Variants in SLC25A35 observed in about 807,000 individuals in gnomAD.
The protein encoded by SLC25A35 is solute carrier family 25, member 35.
Under a neutral mutation model 30.5 loss-of-function variants are expected in SLC25A35, and 32 were observed. The observed-to-expected ratio is 1.05, with a 90% CI of 0.79 to 1.41. The LOEUF is 1.41. Ranked by LOEUF, SLC25A35 falls within the 40% of genes most tolerant of loss-of-function variation. The pLI is 0.00. For synonymous variants in SLC25A35, 142 were observed against 158.1 expected, an observed-to-expected ratio of 0.90 and a Z score of 0.77; for missense variants, 369 against 388.0, an observed-to-expected ratio of 0.95 and a Z score of 0.41.
chr17:8,294,356 T>A, intron 1 of SLC25A35, 77 bp downstream of exon 1: 1 of 1,461,414 alleles, frequency 6.8e-7, no homozygotes, highest in Non-Finnish European at 9.1e-7. Flanking sequence ...CTGCCACCTA[T>A]GCCCTTGGGA....
intron 4 of SLC25A35, 23 bp downstream of exon 4, chr17:8,290,819 T>C: frequency 6.2e-7 from 1 of 1,609,636 alleles, no homozygotes. Context: ...GCTTCCCGCC[T>C]GCATCCCAGA....
At chr17:8,292,715 G>A (rs1990596775) in intron 1 of SLC25A35, 127 bp from the exon 2 acceptor site, 11 of 797,950 alleles carry the variant, frequency 1.4e-5, no homozygotes, top group Non-Finnish European at 2.4e-5. Flanking sequence ...TCTGATTATT[G>A]TTCTTCCTAC....
chr17:8,291,958 C>T (rs1245298051), intron 2 of SLC25A35, among the ~76,000 whole-genome samples: 2 of 151,860 alleles, frequency 1.3e-5, no homozygotes, highest in African/African-American at 2.4e-5. Context: ...CCGAGGCGGG[C>T]GGATCACAAG....
chr17:8,289,038 C>T (rs569872275), downstream of SLC25A35: 32 of 1,614,000 alleles, frequency 2.0e-5, no homozygotes, highest in South Asian at 2.4e-4. Context: ...ACTTCTCGAG[C>T]TGCAGGCCCA....
chr17:8,294,461 C>A lies in SLC25A35; in HGVS notation c.347G>T (p.Gly116Val), dbSNP rs778766272. ...GTAGATGGGGCTCCCCAAGTAGGCT[C>A]CCATGACCCCAGCCATGGCCCCAGC... is the stretch of plus-strand genomic sequence containing the variant. ...AAAGAMAGVMGAYLGSPIYMV... is the reference protein window; with the variant it reads ...AAAGAMAGVMVAYLGSPIYMV... The change falls in exon 1 of 5, where the codon GGA (glycine) becomes GTA (valine). Residue 116 changes from glycine to valine, a missense_variant. By Grantham distance (109) the Gly-to-Val change is moderately radical. Transcript: ENST00000577745. 1.2e-6 allele frequency: 2 copies of A among 1,600,554 alleles called. No homozygotes were observed. Among genetic ancestry groups the A allele is most frequent in the Admixed American group, 3.5e-5 (2 of 57,936 alleles).
chr17:8,288,585 A>C (rs1425990328), downstream of SLC25A35: 2 of 645,030 alleles, frequency 3.1e-6, no homozygotes, highest in Non-Finnish European at 5.4e-6. Flanking sequence ...CGGCTTCCGG[A>C]GCAAAGCCGC....
downstream of SLC25A35, chr17:8,289,894 C>T: frequency 7.4e-6 from 12 of 1,614,138 alleles, no homozygotes; most frequent in South Asian, 1.1e-5. Flanking sequence ...AGCTGGTGAC[C>T]AGTCTGACCC....
chr17:8,294,081 A>G, intron 1 of SLC25A35, among the ~76,000 whole-genome samples: 1 of 149,268 alleles, frequency 6.7e-6, no homozygotes, highest in Non-Finnish European at 1.5e-5. Context: ...GCACCCGGCT[A>G]ATTTTTTGTA....
chr17:8,294,731 C>G lies in SLC25A35; in HGVS notation c.77G>C (p.Arg26Thr). ...CTGCAGTTCTCCTTGCAACTGCATC[C>G]TGGTCTTCACCACCTCCAGGGGATT... is the stretch of plus-strand genomic sequence containing the variant. ...FTNPLEVVKT[R>T]MQLQGELQAP... Residue 26 changes from arginine to threonine, a missense_variant, in exon 1 of 5, where the codon AGG becomes ACG. By Grantham distance (71) the Arg-to-Thr change is moderately conservative. Coordinates refer to ENST00000577745, the MANE Select transcript of SLC25A35 (RefSeq NM_001320870.2). 6.2e-7 allele frequency: 1 copy of G among 1,614,086 alleles called. No individual in the cohort carries two copies. Among genetic ancestry groups the G allele is most frequent in the Non-Finnish European group, 8.5e-7 (1 of 1,179,968 alleles).
At position 8,294,841 on chromosome 17, in the gene SLC25A35, G is replaced by A; in HGVS notation, c.-34C>T. ...AGCTGTAGCAGGAACTGACCCAAGA[G>A]TAAGAAAGTAAAAATGGGTGTCAGA... is the stretch of plus-strand genomic sequence containing the variant. On this transcript the variant is annotated 5_prime_UTR_variant, in exon 1 of 5. Coordinates refer to ENST00000577745, the MANE Select transcript of SLC25A35 (RefSeq NM_001320870.2). 6.5e-7 allele frequency: 1 copy of A among 1,527,536 alleles called. No individual in the cohort carries two copies. Among genetic ancestry groups the A allele is most frequent in the Non-Finnish European group, 8.8e-7 (1 of 1,138,146 alleles). The allele number at this position is 1,527,536 out of a possible 1,614,324, so 94.6% of individuals were successfully genotyped here.
In SLC25A35 at chr17:8,295,060, G is replaced by A; in HGVS notation, c.-253C>T. ...AGATTCTGGTGAGAAGCTTAAGGCA[G>A]GACCCTCTGAGGTCAAGGAGGGGCA... On this transcript the variant is annotated 5_prime_UTR_variant, in exon 1 of 5. Coordinates refer to ENST00000577745, the MANE Select transcript of SLC25A35 (RefSeq NM_001320870.2). The A allele has an allele frequency of 7.8e-7, 1 of 1,283,956 alleles. No individual in the cohort carries two copies. Among genetic ancestry groups the A allele is most frequent in the Non-Finnish European group, 9.9e-7 (1 of 1,013,014 alleles). 79.5% of individuals were successfully genotyped at this position (1,283,956 alleles called of 1,614,324 possible).
At chr17:8,289,305 A>G (rs201506936), downstream of SLC25A35, 46 of 1,613,970 alleles carry the variant, frequency 2.9e-5, no homozygotes, top group Non-Finnish European at 3.5e-5. Flanking sequence ...AGGGCTGTCC[A>G]TGTGGAGTCT....
chr17:8,289,381 T>C (rs745490925), downstream of SLC25A35: 1 of 1,614,080 alleles, frequency 6.2e-7, no homozygotes, highest in Non-Finnish European at 8.5e-7. Context: ...GGGTCCTCTC[T>C]GGCAAGCAGC....
Position 8,290,284 on chromosome 17 carries a change from A to G in SLC25A35, c.*221T>C. ...CGTTCAGCCCTGAGAGAGGGGTGTGAGTTACCCAGGGAATGGGTAGGGAAG... is the reference window on the plus strand; with the variant it reads ...CGTTCAGCCCTGAGAGAGGGGTGTGGGTTACCCAGGGAATGGGTAGGGAAG... On this transcript the variant is annotated 3_prime_UTR_variant, in exon 5 of 5. Transcript: ENST00000577745. 7.0e-7 allele frequency: 1 copy of G among 1,427,330 alleles called. No homozygotes were observed. Among genetic ancestry groups the G allele is most frequent in the South Asian group, 1.5e-5 (1 of 65,136 alleles). The allele number at this position is 1,427,330 out of a possible 1,614,324, so 88.4% of individuals were successfully genotyped here. A position where few individuals can be genotyped will look rare whatever the true frequency, so the allele number is the denominator to read the frequency against.
downstream of SLC25A35, chr17:8,289,421 G>A (rs2151609934): frequency 1.2e-6 from 2 of 1,614,032 alleles, no homozygotes; most frequent in Non-Finnish European, 1.7e-6. Flanking sequence ...GCAGGTGAGG[G>A]CCCGAGAGTG....
At chr17:8,289,690 AAGCAGGAGTGGGCC>A, downstream of SLC25A35, 1 of 1,609,576 alleles carries the variant, frequency 6.2e-7, no homozygotes, top group Non-Finnish European at 8.5e-7. Context: ...TCCTCCAAGG[AAGCAGGAGTGGGCC>A]AGAGGTTTGG....
intron 1 of SLC25A35, among the ~76,000 whole-genome samples, chr17:8,293,971 A>C (rs560987647): frequency 4.2e-5 from 6 of 141,402 alleles, no homozygotes; most frequent in Non-Finnish European, 9.1e-5. Flanking sequence ...GCTGGAGTGC[A>C]GTGACCGGAT....
intron 1 of SLC25A35, among the ~76,000 whole-genome samples, chr17:8,293,620 C>A (rs1360871765): frequency 6.7e-6 from 1 of 149,752 alleles, no homozygotes; most frequent in East Asian, 1.9e-4. Flanking sequence ...GGCCGGATCT[C>A]AGCTCACTGC....
chr17:8,288,642 C>T, downstream of SLC25A35: 1 of 926,438 alleles, frequency 1.1e-6, no homozygotes, highest in Non-Finnish European at 1.7e-6. Context: ...AACGAGAGCG[C>T]AGGGCGGAGC....
Sources: gnomAD v4.1 joint callset for allele counts (sites outside exome capture counted in the v4.1 genomes callset) on GRCh38, gnomAD v4.1.1 for gene constraint, MANE v1.5 for transcripts, NCBI Gene and HGNC (gene_info 2026-07-23, HGNC 2026-07-21) for gene names.